The following METTL6 variants were observed in gnomAD, a reference collection of about 807,000 sequenced individuals.
METTL6 encodes the protein tRNA N(3)-cytidine methyltransferase METTL6.
Under a neutral mutation model 26.4 loss-of-function variants are expected in METTL6, and 22 were observed. The ratio of observed to expected loss-of-function variants is 0.83; its 90% CI spans 0.59 to 1.19. METTL6 has a LOEUF of 1.19. Ranked by LOEUF, METTL6 falls within the 50% of genes most tolerant of loss-of-function variation. The pLI is 0.00. For synonymous variants in METTL6, 109 were observed against 116.2 expected (o/e 0.94, Z 0.40); for missense variants, 304 against 324.8 (o/e 0.94, Z 0.49).
chr3:15,400,743 A>G (rs1699617844), intron 6 of METTL6, among the ~76,000 whole-genome samples: 1 of 152,234 alleles, frequency 6.6e-6, no homozygotes, highest in Non-Finnish European at 1.5e-5. Context: ...TAAAGAAGAA[A>G]AGCAACAGCT....
At chr3:15,415,129 G>C (rs1334699840) in intron 4 of METTL6, among the ~76,000 whole-genome samples, 2 of 152,178 alleles carry the variant, frequency 1.3e-5, no homozygotes, top group Non-Finnish European at 2.9e-5. Context: ...CTGAGCCTCA[G>C]CTCTCATTTC....
At chr3:15,395,379 G>C (rs1454425168) in intron 6 of METTL6, among the ~76,000 whole-genome samples, 1 of 151,890 alleles carries the variant, frequency 6.6e-6, no homozygotes, top group Non-Finnish European at 1.5e-5. Flanking sequence ...CCTTTACTTT[G>C]AGCCTATGTG....
intron 4 of METTL6, chr3:15,414,426 G>C: frequency 3.2e-6 from 3 of 927,650 alleles, no homozygotes; most frequent in Non-Finnish European, 4.1e-6. Flanking sequence ...CATAATCTCA[G>C]CTCACTGCAA....
At chr3:15,404,191 T>A (rs1430453492) in intron 6 of METTL6, among the ~76,000 whole-genome samples, 2 of 152,134 alleles carry the variant, frequency 1.3e-5, no homozygotes, top group Non-Finnish European at 2.9e-5. Context: ...TTCAAATGCC[T>A]CTGACACCCA....
chr3:15,384,212 A>G, intron 6 of METTL6: 1 of 354,348 alleles, frequency 2.8e-6, no homozygotes, highest in Non-Finnish European at 5.4e-6. Context: ...AAAAAGAGAT[A>G]AAAGAAAACA....
chr3:15,409,687 C>G (rs149068374), downstream of METTL6, among the ~76,000 whole-genome samples: 254 of 152,228 alleles, frequency 1.7e-3, no homozygotes, highest in South Asian at 4.8e-3. Context: ...CTCTCTCCCC[C>G]CCAGGGCAAA....
At chr3:15,386,568 C>A (rs1575381091) in intron 6 of METTL6, among the ~76,000 whole-genome samples, 2 of 152,230 alleles carry the variant, frequency 1.3e-5, no homozygotes, top group Admixed American at 1.3e-4. Flanking sequence ...CTTCTCTTCC[C>A]TTAATTGTCC....
At chr3:15,418,690 T>C (rs1372309370) in intron 3 of METTL6, among the ~76,000 whole-genome samples, 1 of 152,056 alleles carries the variant, frequency 6.6e-6, no homozygotes, top group Non-Finnish European at 1.5e-5. Context: ...ATAAAATAAC[T>C]ATATAACCAA....
chr3:15,394,046 T>G (rs980107873), intron 6 of METTL6, among the ~76,000 whole-genome samples: 2 of 152,218 alleles, frequency 1.3e-5, no homozygotes, highest in Admixed American at 1.3e-4. Flanking sequence ...CTTTTTCTAT[T>G]GATTGGAATA....
chr3:15,390,693 A>G (rs541380035), intron 6 of METTL6, among the ~76,000 whole-genome samples: 2 of 152,284 alleles, frequency 1.3e-5, no homozygotes, highest in South Asian at 4.1e-4. Flanking sequence ...GTTGAAACCA[A>G]TGCTGTTTCA....
Position 15,400,234 on chromosome 3 carries a change from C to T in METTL6, c.*11+11011G>A, listed in dbSNP as rs916128286. ...TGCCGTGACCTCCTCTCCGCACCCC[C>T]ACCAAGTGCAGCACCAGATGTACCC... On this transcript the variant is annotated intron_variant, in intron 6 of 6. Transcript: ENST00000443029. 4.6e-5 allele frequency among the ~76,000 whole-genome samples: 7 copies of T among 152,222 alleles called. No individual in the cohort carries two copies. In the South Asian group the frequency reaches 1.5e-3, roughly 32 times the overall value.
intron 6 of METTL6, among the ~76,000 whole-genome samples, chr3:15,404,522 T>C (rs1210268793): frequency 1.3e-5 from 2 of 150,850 alleles, no homozygotes; most frequent in Non-Finnish European, 3.0e-5. Context: ...TTTTTTTTTT[T>C]TTTTTTTAAG....
intron 6 of METTL6, among the ~76,000 whole-genome samples, chr3:15,393,386 G>A (rs1489448413): frequency 6.6e-6 from 1 of 152,168 alleles, no homozygotes; most frequent in Non-Finnish European, 1.5e-5. Context: ...TGAGCTTAAG[G>A]AGATTTTGAG....
At chr3:15,396,784 G>A (rs142927246) in intron 6 of METTL6, among the ~76,000 whole-genome samples, 10,828 of 152,262 alleles carry the variant, frequency 0.071, 496 homozygotes, top group African/African-American at 0.12. Flanking sequence ...ATCAGCAGCA[G>A]AGGCTGCAGA....
intron 6 of METTL6, among the ~76,000 whole-genome samples, chr3:15,395,834 C>T (rs1434921514): frequency 6.6e-6 from 1 of 152,218 alleles, no homozygotes; most frequent in African/African-American, 2.4e-5. Context: ...CCACTCTCTT[C>T]TGGCTTGTAG....
rs1209529116 is a variant in METTL6 at position 15,424,968 on chromosome 3, A to G, written c.347T>C (p.Ile116Thr). ...TGGTGCACCAACCTTAACATATTCA[A>G]TGGCTCTTGGAGAAAAATCACAGGC... ...AYACDFSPRA[I>T]EYVKQNPLYD... Residue 116 changes from isoleucine to threonine, a missense_variant, in exon 3 of 6, where the codon ATT becomes ACT. By Grantham distance (89) the Ile-to-Thr change is moderately conservative (BLOSUM62 -1). Transcript: ENST00000383790. 2.5e-6 allele frequency: 4 copies of G among 1,614,078 alleles called. No individual in the cohort carries two copies. Among genetic ancestry groups the G allele is most frequent in the East Asian group, 2.2e-5 (1 of 44,884 alleles).
chr3:15,384,161 C>A, exon 7 of METTL6: 2 of 386,370 alleles, frequency 5.2e-6, no homozygotes, highest in Non-Finnish European at 9.9e-6. Context: ...TACAAAGAAT[C>A]CCAGGTTCCA....
At chr3:15,384,951 T>C (rs1403366000) in intron 6 of METTL6, among the ~76,000 whole-genome samples, 1 of 152,170 alleles carries the variant, frequency 6.6e-6, no homozygotes, top group East Asian at 1.9e-4. Context: ...ATTTTTAAAA[T>C]GAACACTGAA....
At chr3:15,395,185 G>A (rs1699453889) in intron 6 of METTL6, among the ~76,000 whole-genome samples, 1 of 152,178 alleles carries the variant, frequency 6.6e-6, no homozygotes, top group Admixed American at 6.5e-5. Context: ...GGGTGCTCCT[G>A]TATTGGGTGC....
Sources: allele counts gnomAD v4.1 joint callset (sites outside exome capture counted in the v4.1 genomes callset), GRCh38; gene constraint gnomAD v4.1.1; transcripts MANE v1.5; gene names NCBI Gene and HGNC (gene_info 2026-07-23, HGNC 2026-07-21).